SSBP3: variants seen among roughly 807,000 people sequenced by gnomAD.
The protein encoded by SSBP3 is single-stranded DNA-binding protein 3.
In SSBP3, 5 loss-of-function variants were observed where a neutral mutation model predicts 69.6. The observed-to-expected ratio is 0.07, with a 90% CI of 0.04 to 0.15. SSBP3 has a LOEUF of 0.15. Ranked by LOEUF, SSBP3 falls within the 10% of genes least tolerant of loss-of-function variation. The pLI is 1.00. For synonymous variants in SSBP3, 196 were observed against 193.4 expected (o/e 1.01, Z -0.11); for missense variants, 312 against 534.0 (o/e 0.58, Z 4.10).
At chr1:54,281,862 T>C (rs1307726455) in intron 4 of SSBP3, among the ~76,000 whole-genome samples, 3 of 151,956 alleles carry the variant, frequency 2.0e-5, no homozygotes, top group Non-Finnish European at 4.4e-5. Context: ...TTTGGGAGGT[T>C]GAGGCTGGAG....
At chr1:54,390,158 G>A (rs1648384298) in intron 4 of SSBP3, among the ~76,000 whole-genome samples, 1 of 152,182 alleles carries the variant, frequency 6.6e-6, no homozygotes, top group South Asian at 2.1e-4. Context: ...CCAACAGGGA[G>A]ATACCTAAGA....
At chr1:54,289,896 G>C (rs1013426375) in intron 4 of SSBP3, among the ~76,000 whole-genome samples, 1 of 152,154 alleles carries the variant, frequency 6.6e-6, no homozygotes, top group Non-Finnish European at 1.5e-5. Context: ...CAGCCACCTA[G>C]TCAGAGAAGG....
At chr1:54,391,972 G>A (rs213487) in intron 4 of SSBP3, among the ~76,000 whole-genome samples, 70,607 of 151,972 alleles carry the variant, frequency 0.46, 18,236 homozygotes, top group African/African-American at 0.71. Flanking sequence ...TTTGCCTAGA[G>A]AGCCACATGG....
In SSBP3 at chr1:54,236,218, C is replaced by G. The variant is rs190802613; in HGVS notation, c.927+2911G>C. On this transcript the variant is annotated intron_variant, in intron 14 of 17. Transcript: ENST00000610401. ...GCAACCTCCACCTCCCAGGCTCAAG[C>G]GATTCTCCTGCCTCAGCCTCCCGAG... 7.2e-4 allele frequency among the ~76,000 whole-genome samples: 109 copies of G among 152,134 alleles called. No homozygotes were observed. In the East Asian group the frequency reaches 0.015, roughly 21 times the overall value.
intron 14 of SSBP3, among the ~76,000 whole-genome samples, chr1:54,231,004 G>A (rs558760752): frequency 4.6e-5 from 7 of 152,308 alleles, no homozygotes; most frequent in East Asian, 3.9e-4. Flanking sequence ...GTGGACATAC[G>A]TTTTCATTTC....
At chr1:54,365,374 T>C (rs1647013146) in intron 4 of SSBP3, among the ~76,000 whole-genome samples, 1 of 152,130 alleles carries the variant, frequency 6.6e-6, no homozygotes, top group South Asian at 2.1e-4. Context: ...GTTGGAAGGC[T>C]AGTGGTTAAG....
chr1:54,280,025 G>C lies in SSBP3; in HGVS notation c.366+1413C>G, dbSNP rs538712775. ...TGGACAAGGCTCCAGTTTTGGCAGT[G>C]TTCTGGGAATGCATACAGATCCACA... On this transcript the variant is annotated intron_variant, in intron 5 of 17. Transcript: ENST00000610401. 2.4e-3 allele frequency among the ~76,000 whole-genome samples: 369 copies of C among 152,308 alleles called. 2 individuals are homozygous for C. Among genetic ancestry groups the C allele is most frequent in the Non-Finnish European group, 2.9e-3 (197 of 68,040 alleles).
At chr1:54,233,586 T>TG (rs1261527879) in intron 14 of SSBP3, among the ~76,000 whole-genome samples, 27 of 97,452 alleles carry the variant, frequency 2.8e-4, no homozygotes, top group East Asian at 6.3e-4. Flanking sequence ...GGGAGGGAGG[T>TG]GGGGGGGTCA....
chr1:54,327,966 G>A (rs146961829), intron 4 of SSBP3, among the ~76,000 whole-genome samples: 20 of 152,256 alleles, frequency 1.3e-4, no homozygotes, highest in East Asian at 1.2e-3. Context: ...GTAAGCCAGC[G>A]TTTATTTTTA....
At chr1:54,347,252 G>A (rs533829458) in intron 4 of SSBP3, among the ~76,000 whole-genome samples, 19 of 152,086 alleles carry the variant, frequency 1.2e-4, no homozygotes, top group Non-Finnish European at 2.2e-4. Flanking sequence ...AGAGGTGTGA[G>A]CCACCGTGCC....
At chr1:54,384,742 T>C (rs2100741043) in intron 4 of SSBP3, among the ~76,000 whole-genome samples, 1 of 152,330 alleles carries the variant, frequency 6.6e-6, no homozygotes, top group South Asian at 2.1e-4. Context: ...TACACAGATG[T>C]CTTTTTAATG....
At chr1:54,369,675 C>T (rs1647093340) in intron 4 of SSBP3, among the ~76,000 whole-genome samples, 1 of 137,014 alleles carries the variant, frequency 7.3e-6, no homozygotes, top group African/African-American at 2.5e-5. Flanking sequence ...CAAACTCAAC[C>T]TCCACCTCAA....
In SSBP3 at chr1:54,275,315, A is replaced by C. The variant is rs114941848; in HGVS notation, c.366+6123T>G. Among the ~76,000 whole-genome samples, 1,020 of 152,284 alleles carry C rather than the reference A, an allele frequency of 6.7e-3. 16 individuals carry two copies. Among genetic ancestry groups the C allele is most frequent in the African/African-American group, 0.024 (984 of 41,568 alleles). ...CCCAGCGCCCCGCCACCAAGCTTCC[A>C]CTAGTAACAGGCTTCGGAAACCAAA... is the stretch of plus-strand genomic sequence containing the variant. On this transcript the variant is annotated intron_variant, in intron 5 of 17. Transcript: ENST00000610401.
chr1:54,230,423 A>C (rs1644361549), intron 14 of SSBP3, among the ~76,000 whole-genome samples: 1 of 152,254 alleles, frequency 6.6e-6, no homozygotes, highest in Non-Finnish European at 1.5e-5. Context: ...TCATTACCTT[A>C]ACATGAATAT....
At chr1:54,250,566 A>C (rs1188458662) in intron 9 of SSBP3, among the ~76,000 whole-genome samples, 1 of 152,128 alleles carries the variant, frequency 6.6e-6, no homozygotes, top group East Asian at 1.9e-4. Flanking sequence ...CTCCACCCTC[A>C]GGGGACCCAG....
At chr1:54,287,571 TG>T (rs1252845378) in intron 4 of SSBP3, among the ~76,000 whole-genome samples, 1 of 152,028 alleles carries the variant, frequency 6.6e-6, no homozygotes, top group East Asian at 1.9e-4. Flanking sequence ...TCTGGTGGCC[TG>T]GGGAAGGAGG....
intron 4 of SSBP3, among the ~76,000 whole-genome samples, chr1:54,349,566 A>C (rs1270099319): frequency 6.6e-6 from 1 of 152,204 alleles, no homozygotes; most frequent in East Asian, 1.9e-4. Flanking sequence ...AGACCAGCAC[A>C]GAGCTCCCTC....
intron 14 of SSBP3, among the ~76,000 whole-genome samples, chr1:54,235,737 C>T (rs1449127099): frequency 6.6e-6 from 1 of 152,172 alleles, no homozygotes; most frequent in South Asian, 2.1e-4. Context: ...CATGAGCCAC[C>T]GTGCCCGGCC....
intron 4 of SSBP3, among the ~76,000 whole-genome samples, chr1:54,284,891 G>A (rs1645459712): frequency 6.6e-6 from 1 of 152,166 alleles, no homozygotes; most frequent in Non-Finnish European, 1.5e-5. Flanking sequence ...AGGAACTGAA[G>A]GTAGTGGATG....
Sources: allele counts gnomAD v4.1 joint callset (sites outside exome capture counted in the v4.1 genomes callset), GRCh38; gene constraint gnomAD v4.1.1; transcripts MANE v1.5; gene names NCBI Gene and HGNC (gene_info 2026-07-23, HGNC 2026-07-21).